Variants in ROBO2 observed in about 807,000 individuals in gnomAD.
ROBO2 encodes roundabout homolog 2.
ROBO2 carries 53 observed loss-of-function variants against 160.8 expected under a neutral mutation model. That is an observed-to-expected ratio of 0.33 (90% CI 0.26 to 0.41). ROBO2 has a LOEUF of 0.41. ROBO2 is among the 10% of genes least tolerant of loss of function. The pLI is 1.00. For missense variants in ROBO2, 1,577 were observed against 1,722.4 expected (o/e 0.92, Z 1.49); for synonymous variants, 664 against 611.7 (o/e 1.09, Z -1.26).
At chr3:75,939,036 A>G (rs7633852) in intron 2 of ROBO2, among the ~76,000 whole-genome samples, 151,168 of 152,256 alleles carry the variant, frequency 0.99, 75,050 homozygotes, top group Middle Eastern at 1. Flanking sequence ...GTAATGTGTA[A>G]AATTACTAAA....
At chr3:77,410,605 C>G (rs796640200) in intron 2 of ROBO2, among the ~76,000 whole-genome samples, 675 of 110,492 alleles carry the variant, frequency 6.1e-3, no homozygotes, top group East Asian at 0.017. Flanking sequence ...TCCTCCTCCT[C>G]CTCTTCCTCC....
chr3:76,058,462 CT>C (rs755616020), intron 2 of ROBO2, among the ~76,000 whole-genome samples: 2 of 152,008 alleles, frequency 1.3e-5, no homozygotes, highest in Non-Finnish European at 2.9e-5. Context: ...GTAATATTGC[CT>C]TTTGCATGAA....
intron 2 of ROBO2, among the ~76,000 whole-genome samples, chr3:77,208,098 C>T (rs2083652659): frequency 6.6e-6 from 1 of 152,138 alleles, no homozygotes; most frequent in African/African-American, 2.4e-5. Context: ...AATTCCCAGT[C>T]TCTTTTGTGA....
chr3:77,119,154 G>C (rs62251797), intron 2 of ROBO2, among the ~76,000 whole-genome samples: 26,569 of 152,056 alleles, frequency 0.17, 3,803 homozygotes, highest in African/African-American at 0.4. Context: ...GCTTCTCTTT[G>C]ACCTTCTGCC....
chr3:75,967,909 T>A (rs2107332503), intron 2 of ROBO2, among the ~76,000 whole-genome samples: 1 of 151,678 alleles, frequency 6.6e-6, no homozygotes, highest in South Asian at 2.1e-4. Flanking sequence ...TGTAAGTATC[T>A]TCAGTGTCCA....
intron 2 of ROBO2, among the ~76,000 whole-genome samples, chr3:77,234,067 T>G (rs777973579): frequency 3.9e-5 from 6 of 152,038 alleles, no homozygotes; most frequent in Non-Finnish European, 7.4e-5. Flanking sequence ...AACCAGGGAG[T>G]GGACCATTAG....
At chr3:76,453,430 G>A (rs908920705) in intron 2 of ROBO2, among the ~76,000 whole-genome samples, 1 of 152,198 alleles carries the variant, frequency 6.6e-6, no homozygotes, top group African/African-American at 2.4e-5. Context: ...TTATGAAATA[G>A]GGAATCCTTT....
exon 1 of ROBO2, chr3:77,040,549 G>C (rs2063984387): frequency 7.1e-7 from 1 of 1,399,600 alleles, no homozygotes; most frequent in Admixed American, 3.0e-5. Context: ...AAGCCAGAGT[G>C]CTGGAAATAC....
At chr3:76,962,487 A>G (rs568993131) in intron 2 of ROBO2, among the ~76,000 whole-genome samples, 1 of 151,986 alleles carries the variant, frequency 6.6e-6, no homozygotes, top group African/African-American at 2.4e-5. Context: ...AAAAATTCAA[A>G]ATTAACCAGG....
At chr3:76,284,407 T>TAA (rs35130005) in intron 2 of ROBO2, among the ~76,000 whole-genome samples, 36 of 151,578 alleles carry the variant, frequency 2.4e-4, no homozygotes, top group Middle Eastern at 6.8e-3. Flanking sequence ...GTGACTCCTA[T>TAA]AAAAAAAATC....
chr3:76,521,858 A>T (rs2081637811), intron 2 of ROBO2, among the ~76,000 whole-genome samples: 1 of 152,148 alleles, frequency 6.6e-6, no homozygotes, highest in Non-Finnish European at 1.5e-5. Flanking sequence ...CTCAATTTCA[A>T]GTTTTTTATA....
intron 2 of ROBO2, among the ~76,000 whole-genome samples, chr3:76,302,638 C>A (rs955213343): frequency 6.6e-6 from 1 of 152,092 alleles, no homozygotes; most frequent in African/African-American, 2.4e-5. Context: ...GAAATACTTT[C>A]CATTGTATTA....
chr3:77,034,347 T>A (rs184810866), intron 2 of ROBO2, among the ~76,000 whole-genome samples: 2 of 147,980 alleles, frequency 1.4e-5, no homozygotes, highest in East Asian at 4.0e-4. Context: ...TGGCATTGTA[T>A]CTAACAACTT....
At chr3:75,923,914 T>C (rs1947170853) in intron 1 of ROBO2, among the ~76,000 whole-genome samples, 1 of 152,190 alleles carries the variant, frequency 6.6e-6, no homozygotes, top group Non-Finnish European at 1.5e-5. Flanking sequence ...TAAATATCCC[T>C]TTATAAAGTA....
intron 2 of ROBO2, among the ~76,000 whole-genome samples, chr3:77,011,257 G>T (rs2061903976): frequency 6.6e-6 from 1 of 151,024 alleles, no homozygotes; most frequent in Non-Finnish European, 1.5e-5. Flanking sequence ...AGTGTGTTTT[G>T]TTTGCTATCG....
intron 2 of ROBO2, among the ~76,000 whole-genome samples, chr3:76,149,350 T>C (rs192190557): frequency 6.6e-6 from 1 of 152,248 alleles, no homozygotes; most frequent in East Asian, 1.9e-4. Flanking sequence ...TTTGCAAGTC[T>C]GTGATTTCAG....
chr3:76,454,601 A>G (rs1294147152), intron 2 of ROBO2, among the ~76,000 whole-genome samples: 2 of 152,134 alleles, frequency 1.3e-5, no homozygotes, highest in African/African-American at 2.4e-5. Flanking sequence ...CTGAGTTCCA[A>G]TTTCTTCATT....
At chr3:76,557,420 T>C (rs1213321201) in intron 2 of ROBO2, among the ~76,000 whole-genome samples, 2 of 151,876 alleles carry the variant, frequency 1.3e-5, no homozygotes, top group Non-Finnish European at 2.9e-5. Context: ...TAAGGTTTTG[T>C]TTCATTCTCG....
chr3:76,956,414 G>T (rs533078772), intron 2 of ROBO2, among the ~76,000 whole-genome samples: 7 of 151,902 alleles, frequency 4.6e-5, no homozygotes, highest in African/African-American at 1.7e-4. Context: ...AAAATTAGCC[G>T]GGTGTGGTGG....
Sources: gnomAD v4.1 joint callset for allele counts (sites outside exome capture counted in the v4.1 genomes callset) on GRCh38, gnomAD v4.1.1 for gene constraint, MANE v1.5 for transcripts, NCBI Gene and HGNC (gene_info 2026-07-23, HGNC 2026-07-21) for gene names.